The following ZNF618 variants were observed in gnomAD, a reference collection of about 807,000 sequenced individuals.
ZNF618 encodes neural precursor cell expressed, developmentally down-regulated 10.
In ZNF618, 34 loss-of-function variants were observed where a neutral mutation model predicts 103.0. The observed-to-expected ratio is 0.33, with a 90% CI of 0.25 to 0.44. The LOEUF (loss-of-function observed/expected upper bound fraction) is 0.44. Ranked by LOEUF, ZNF618 falls within the 20% of genes least tolerant of loss-of-function variation. The pLI is 1.00. For missense variants in ZNF618, 1,059 were observed against 1,295.4 expected, an observed-to-expected ratio of 0.82 and a Z score of 2.80; for synonymous variants, 551 against 542.2, an observed-to-expected ratio of 1.02 and a Z score of -0.23.
chr9:113,983,450 A>G (rs2133181860), intron 2 of ZNF618, among the ~76,000 whole-genome samples: 1 of 152,296 alleles, frequency 6.6e-6, no homozygotes, highest in Non-Finnish European at 1.5e-5. Flanking sequence ...ACTCGGGGGC[A>G]TCACGTTTAA....
chr9:113,980,756 C>T (rs1233191445), intron 2 of ZNF618, among the ~76,000 whole-genome samples: 1 of 152,120 alleles, frequency 6.6e-6, no homozygotes, highest in East Asian at 1.9e-4. Flanking sequence ...CAGGGGAGCA[C>T]AGAGCAAAGT....
intron 13 of ZNF618, among the ~76,000 whole-genome samples, chr9:114,039,135 A>G (rs540229872): frequency 8.5e-5 from 13 of 152,336 alleles, no homozygotes; most frequent in African/African-American, 2.9e-4. Flanking sequence ...CACCCTGTGC[A>G]GCCTCAGGTA....
chr9:114,047,859 T>C, intron 13 of ZNF618, 34 bp from the exon 14 acceptor site: 2 of 1,556,978 alleles, frequency 1.3e-6, no homozygotes, highest in Non-Finnish European at 1.7e-6. Context: ...CTCTTACCCT[T>C]CCAGGTAACA....
In ZNF618 at chr9:114,048,673, C is replaced by G. The variant is rs1295233861; in HGVS notation, c.1371C>G (p.Pro457=). 1.9e-6 allele frequency: 3 copies of G among 1,613,146 alleles called. No individual in the cohort carries two copies. The highest frequency in any genetic ancestry group is 2.5e-6 in the Non-Finnish European group (3 of 1,179,374). The change falls in exon 15 of 15, where the codon CCC becomes CCG. Residue 457 remains proline (P), a synonymous_variant. Coordinates refer to ENST00000374126, the MANE Select transcript of ZNF618 (RefSeq NM_001318042.2). ...CAGCCACTACCAGTGGTTTAACACC[C>G]AACAGCATGATCCCCGAAAAGGAGC... ...ANNTTTSGLT[P]NSMIPEKERQ... is the part of the protein sequence containing the mutation.
At chr9:113,922,590 A>C (rs1039175117) in intron 1 of ZNF618, among the ~76,000 whole-genome samples, 2 of 149,154 alleles carry the variant, frequency 1.3e-5, no homozygotes, top group African/African-American at 2.5e-5. Context: ...TCAGTTGACT[A>C]TATTAGTTTG....
chr9:113,982,586 C>G (rs1839071362), intron 2 of ZNF618, among the ~76,000 whole-genome samples: 1 of 152,270 alleles, frequency 6.6e-6, no homozygotes, highest in Middle Eastern at 3.4e-3. Flanking sequence ...GTCATATGCA[C>G]AGAATCAGGA....
Position 114,028,980 on chromosome 9 carries a change from T to A in ZNF618, c.1084+8T>A, listed in dbSNP as rs1588398405. On this transcript the variant is annotated splice_region_variant and intron_variant, in intron 11 of 14. Transcript: ENST00000374126. ...CGAGCAAGGCAACCGCAGGTACCAATGGCCTATGTGACCCCCACACTTTCT... is the reference window on the plus strand; with the variant it reads ...CGAGCAAGGCAACCGCAGGTACCAAAGGCCTATGTGACCCCCACACTTTCT... The A allele has an allele frequency of 6.5e-7, 1 of 1,548,100 alleles. No individual in the cohort carries two copies. The highest frequency in any genetic ancestry group is 1.7e-4 in the Middle Eastern group (1 of 5,986).
intron 10 of ZNF618, among the ~76,000 whole-genome samples, chr9:114,022,601 CAAAAAAAAA>C (rs56235947): frequency 5.5e-5 from 5 of 90,788 alleles, no homozygotes; most frequent in African/African-American, 1.7e-4. Flanking sequence ...TCCACTTGAC[CAAAAAAAAA>C]AAAAAAAAAA....
intron 1 of ZNF618, among the ~76,000 whole-genome samples, chr9:113,961,595 G>A (rs1201224639): frequency 1.3e-5 from 2 of 152,218 alleles, no homozygotes; most frequent in East Asian, 3.8e-4. Context: ...GGCAGTCAGT[G>A]GCTTTGAGTT....
At chr9:114,033,392 AG>A (rs1844276851) in intron 12 of ZNF618, among the ~76,000 whole-genome samples, 1 of 89,648 alleles carries the variant, frequency 1.1e-5, no homozygotes, top group African/African-American at 1.8e-4. Flanking sequence ...TCTCAAAAAG[AG>A]AGAGAGAGAG....
At chr9:114,001,852 C>A (rs1841240458) in intron 4 of ZNF618, 144 bp from the exon 5 acceptor site, 1 of 733,662 alleles carries the variant, frequency 1.4e-6, no homozygotes, top group Admixed American at 2.0e-5. Flanking sequence ...CTCGTGACTT[C>A]TAGCTCGGTG....
intron 10 of ZNF618, among the ~76,000 whole-genome samples, chr9:114,017,691 C>G (rs145218647): frequency 1.6e-3 from 249 of 152,244 alleles, no homozygotes; most frequent in African/African-American, 5.7e-3. Flanking sequence ...GATCCCTCTC[C>G]CCATTCTGTG....
At chr9:114,008,411 C>T (rs573701950) in intron 8 of ZNF618, 32 bp downstream of exon 8, 1 of 1,614,020 alleles carries the variant, frequency 6.2e-7, no homozygotes, top group African/African-American at 1.3e-5. Flanking sequence ...GTCACCTCCC[C>T]TGTCCCCGGC....
At chr9:114,003,834 G>T (rs1355380198) in intron 6 of ZNF618, among the ~76,000 whole-genome samples, 1 of 152,174 alleles carries the variant, frequency 6.6e-6, no homozygotes, top group Non-Finnish European at 1.5e-5. Flanking sequence ...TTTTTCTGCA[G>T]AGGGCCAGAT....
intron 1 of ZNF618, among the ~76,000 whole-genome samples, chr9:113,879,862 A>G (rs1564120230): frequency 6.6e-6 from 1 of 151,748 alleles, no homozygotes; most frequent in Admixed American, 6.6e-5. Flanking sequence ...GGAGCAAGCT[A>G]GGAAAAGAGG....
chr9:113,970,894 G>A (rs1837898776), intron 2 of ZNF618, among the ~76,000 whole-genome samples: 1 of 147,728 alleles, frequency 6.8e-6, no homozygotes, highest in African/African-American at 2.5e-5. Flanking sequence ...TGTCTGTCTT[G>A]TTCACTGCTG....
intron 1 of ZNF618, among the ~76,000 whole-genome samples, chr9:113,918,177 G>A (rs747101025): frequency 2.6e-5 from 4 of 152,172 alleles, no homozygotes; most frequent in Non-Finnish European, 5.9e-5. Context: ...GGATGACGGA[G>A]GGTATGCATT....
intron 10 of ZNF618, among the ~76,000 whole-genome samples, chr9:114,022,221 A>G (rs1260546429): frequency 6.6e-6 from 1 of 151,960 alleles, no homozygotes; most frequent in Non-Finnish European, 1.5e-5. Flanking sequence ...CCAGCAGTAC[A>G]ATTTTCTTTT....
intron 1 of ZNF618, among the ~76,000 whole-genome samples, chr9:113,964,152 C>T (rs568166956): frequency 8.5e-5 from 13 of 152,228 alleles, no homozygotes; most frequent in African/African-American, 3.1e-4. Flanking sequence ...TCCAAGATGG[C>T]GGCCCCCTTC....
Sources: gnomAD v4.1 joint callset for allele counts (sites outside exome capture counted in the v4.1 genomes callset) on GRCh38, gnomAD v4.1.1 for gene constraint, MANE v1.5 for transcripts, NCBI Gene and HGNC (gene_info 2026-07-23, HGNC 2026-07-21) for gene names.